The following EHMT1 variants were observed in gnomAD, a reference collection of about 807,000 sequenced individuals.
The protein encoded by EHMT1 is euchromatic histone lysine methyltransferase 1, also known as histone-lysine N-methyltransferase EHMT1.
Under a neutral mutation model 147.2 loss-of-function variants are expected in EHMT1, and 15 were observed. That is an observed-to-expected ratio of 0.10 (90% confidence interval 0.07 to 0.16). EHMT1 has a LOEUF of 0.16. Ranked by LOEUF, EHMT1 falls within the 10% of genes least tolerant of loss-of-function variation. EHMT1 has a pLI of 1.00. For missense variants in EHMT1, 1,587 were observed against 1,772.4 expected (o/e 0.90, Z 1.88); for synonymous variants, 795 against 709.6 (o/e 1.12, Z -1.91).
chr9:137,817,894 A>T, intron 24 of EHMT1, 166 bp from the exon 25 acceptor site: 1 of 712,382 alleles, frequency 1.4e-6, no homozygotes, highest in East Asian at 2.6e-5. Context: ...CCGGACCCTC[A>T]GCTGAAACCC....
intron 1 of EHMT1, among the ~76,000 whole-genome samples, chr9:137,679,214 G>T (rs996930049): frequency 2.6e-5 from 4 of 152,208 alleles, no homozygotes; most frequent in South Asian, 2.1e-4. Context: ...CTCCCAGAGT[G>T]CTGGGATTAC....
chr9:137,695,446 G>T (rs958002654), intron 1 of EHMT1, among the ~76,000 whole-genome samples: 4 of 152,210 alleles, frequency 2.6e-5, no homozygotes, highest in Admixed American at 2.6e-4. Context: ...CTTGTCTCCC[G>T]CCAGGGACTG....
intron 25 of EHMT1, among the ~76,000 whole-genome samples, chr9:137,824,048 A>T (rs935198285): frequency 1.3e-5 from 2 of 152,118 alleles, no homozygotes; most frequent in Non-Finnish European, 2.9e-5. Context: ...TCCATGTCCT[A>T]AGAATTCCAT....
chr9:137,798,526 T>G (rs1953153645), intron 16 of EHMT1, among the ~76,000 whole-genome samples: 1 of 152,214 alleles, frequency 6.6e-6, no homozygotes, highest in South Asian at 2.1e-4. Context: ...TCCCACTTTT[T>G]GCCATCTATT....
chr9:137,659,584 C>G (rs1395493761), intron 1 of EHMT1, among the ~76,000 whole-genome samples: 3 of 148,906 alleles, frequency 2.0e-5, no homozygotes, highest in Non-Finnish European at 3.0e-5. Context: ...GAGACAGAGT[C>G]TCTGTTGCCC....
At chr9:137,759,056 A>G (rs9410049) in intron 9 of EHMT1, among the ~76,000 whole-genome samples, 28,724 of 151,986 alleles carry the variant, frequency 0.19, 7,055 homozygotes, top group African/African-American at 0.57. Context: ...GAACCCAGGA[A>G]GCAGAGCTTG....
At chr9:137,720,554 C>T (rs957824769) in intron 3 of EHMT1, among the ~76,000 whole-genome samples, 8 of 152,164 alleles carry the variant, frequency 5.3e-5, no homozygotes, top group Non-Finnish European at 1.2e-4. Context: ...CTGCCCTCCT[C>T]GGCATCCCAA....
intron 1 of EHMT1, among the ~76,000 whole-genome samples, chr9:137,638,986 T>C (rs1041067528): frequency 1.3e-5 from 2 of 152,214 alleles, no homozygotes; most frequent in African/African-American, 4.8e-5. Context: ...GACCATACAT[T>C]TCTATTGTTA....
chr9:137,694,858 G>A (rs1182049993), intron 1 of EHMT1, among the ~76,000 whole-genome samples: 1 of 152,250 alleles, frequency 6.6e-6, no homozygotes, highest in African/African-American at 2.4e-5. Flanking sequence ...AGGTAAACCA[G>A]ATTGTCAGAA....
intron 1 of EHMT1, among the ~76,000 whole-genome samples, chr9:137,709,375 G>T (rs1282344486): frequency 1.3e-5 from 2 of 152,210 alleles, no homozygotes; most frequent in Non-Finnish European, 2.9e-5. Flanking sequence ...GGGAGATCAG[G>T]GGGTGGGAGG....
intron 9 of EHMT1, among the ~76,000 whole-genome samples, chr9:137,759,288 C>T (rs889719446): frequency 2.0e-5 from 3 of 152,198 alleles, no homozygotes; most frequent in Non-Finnish European, 4.4e-5. Flanking sequence ...CCATGCTTTC[C>T]GAGTATAACA....
chr9:137,800,454 A>T, intron 17 of EHMT1: 1 of 236,022 alleles, frequency 4.2e-6, no homozygotes. Flanking sequence ...GAGGAGCAGA[A>T]CCTGCTACAG....
intron 18 of EHMT1, among the ~76,000 whole-genome samples, chr9:137,804,367 C>G (rs1248771178): frequency 6.6e-6 from 1 of 152,204 alleles, no homozygotes; most frequent in Non-Finnish European, 1.5e-5. Flanking sequence ...TTTCATTTCT[C>G]TAATGACAGT....
chr9:137,794,243 T>C (rs983364833), intron 16 of EHMT1, among the ~76,000 whole-genome samples: 4 of 152,226 alleles, frequency 2.6e-5, no homozygotes, highest in Non-Finnish European at 5.9e-5. Flanking sequence ...ATTTATCTTA[T>C]TTTCAATTTT....
intron 1 of EHMT1, among the ~76,000 whole-genome samples, chr9:137,644,072 T>G (rs1844706716): frequency 6.6e-6 from 1 of 152,216 alleles, no homozygotes; most frequent in Non-Finnish European, 1.5e-5. Flanking sequence ...GGGTGTGAGC[T>G]GTCTTGGTAA....
chr9:137,797,453 C>T lies in EHMT1; in HGVS notation c.2506-1360C>T, dbSNP rs531674774. 6.9e-4 allele frequency among the ~76,000 whole-genome samples: 105 copies of T among 152,214 alleles called. 1 individual carries two copies. The highest frequency in any genetic ancestry group is 2.0e-3 in the African/African-American group (85 of 41,510). On this transcript the variant is annotated intron_variant, in intron 16 of 26. Coordinates refer to ENST00000460843, the MANE Select transcript of EHMT1 (RefSeq NM_024757.5). ...GCGTCTGTCTCTCACCTGCTTGATTCAGAAGTGCTTGCCCAAGGTCTCTGC... is the reference window on the plus strand; with the variant it reads ...GCGTCTGTCTCTCACCTGCTTGATTTAGAAGTGCTTGCCCAAGGTCTCTGC...
At chr9:137,823,415 ATTTT>A in intron 25 of EHMT1, 12 of 327,276 alleles carry the variant, frequency 3.7e-5, no homozygotes, top group East Asian at 1.5e-4. Context: ...CGCCTGGGTA[ATTTT>A]TTTTTTTTTT....
intron 1 of EHMT1, among the ~76,000 whole-genome samples, chr9:137,653,065 C>T (rs1427658966): frequency 3.3e-5 from 5 of 152,028 alleles, no homozygotes; most frequent in African/African-American, 1.2e-4. Flanking sequence ...GTTTATAAAG[C>T]CTACAGTAGT....
intron 1 of EHMT1, among the ~76,000 whole-genome samples, chr9:137,636,007 C>T (rs1363943065): frequency 3.3e-5 from 5 of 151,134 alleles, no homozygotes; most frequent in African/African-American, 7.3e-5. Flanking sequence ...CTGCAACCTC[C>T]GCCTCCTGGG....
Sources: allele counts gnomAD v4.1 joint callset (sites outside exome capture counted in the v4.1 genomes callset), GRCh38; gene constraint gnomAD v4.1.1; transcripts MANE v1.5; gene names NCBI Gene and HGNC (gene_info 2026-07-23, HGNC 2026-07-21).